CDH13: variants seen among roughly 807,000 people sequenced by gnomAD.
CDH13 encodes cadherin 13.
Under a neutral mutation model 63.8 loss-of-function variants are expected in CDH13, and 24 were observed. The observed-to-expected ratio is 0.38, with a 90% confidence interval of 0.27 to 0.53. The LOEUF is 0.53. Among genes scored for constraint, CDH13 ranks in the 20% least tolerant of loss-of-function variants. The pLI is 0.85. For synonymous variants in CDH13, 503 were observed against 355.3 expected, an observed-to-expected ratio of 1.42 and a Z score of -4.67; for missense variants, 1,049 against 903.1, an observed-to-expected ratio of 1.16 and a Z score of -2.07.
chr16:83,472,985 G>T (rs1330703496), intron 6 of CDH13, among the ~76,000 whole-genome samples: 1 of 152,112 alleles, frequency 6.6e-6, no homozygotes, highest in African/African-American at 2.4e-5. Flanking sequence ...CTGCCAAATG[G>T]AAATGACTCT....
chr16:83,653,233 G>A (rs760435357), intron 8 of CDH13, among the ~76,000 whole-genome samples: 11 of 152,076 alleles, frequency 7.2e-5, no homozygotes, highest in Non-Finnish European at 1.2e-4. Context: ...TTGTGGTGGT[G>A]GTTGCACAAC....
chr16:83,496,484 C>CCTTA (rs1235219537), intron 7 of CDH13, among the ~76,000 whole-genome samples: 1 of 151,498 alleles, frequency 6.6e-6, no homozygotes, highest in Non-Finnish European at 1.5e-5. Flanking sequence ...TGGATCCCTT[C>CCTTA]CTTACACCTT....
At chr16:82,924,993 C>T (rs930258514) in intron 2 of CDH13, among the ~76,000 whole-genome samples, 20 of 152,078 alleles carry the variant, frequency 1.3e-4, no homozygotes, top group East Asian at 1.9e-4. Flanking sequence ...GAACCGTATA[C>T]GAATAATACT....
chr16:83,536,993 T>C (rs938618248), intron 7 of CDH13, among the ~76,000 whole-genome samples: 6 of 152,196 alleles, frequency 3.9e-5, no homozygotes, highest in African/African-American at 1.4e-4. Flanking sequence ...CCTGGCTCAT[T>C]TGCTGAAAAA....
intron 1 of CDH13, among the ~76,000 whole-genome samples, chr16:82,812,515 C>A (rs1324350582): frequency 6.6e-6 from 1 of 151,854 alleles, no homozygotes; most frequent in Non-Finnish European, 1.5e-5. Context: ...GGAAGACAAG[C>A]AGAGAGGGTG....
intron 10 of CDH13, among the ~76,000 whole-genome samples, chr16:83,720,817 C>T (rs908641069): frequency 5.3e-5 from 8 of 152,154 alleles, no homozygotes; most frequent in African/African-American, 1.9e-4. Context: ...CCCCATGGGG[C>T]CTTGTGACTG....
chr16:82,747,790 AT>A (rs1257339728), intron 1 of CDH13, among the ~76,000 whole-genome samples: 3 of 152,206 alleles, frequency 2.0e-5, no homozygotes, highest in Non-Finnish European at 4.4e-5. Flanking sequence ...AACTCTTGGG[AT>A]TTAGGAATAG....
intron 3 of CDH13, among the ~76,000 whole-genome samples, chr16:83,055,233 C>A (rs144426169): frequency 8.4e-4 from 127 of 151,398 alleles, no homozygotes; most frequent in Admixed American, 1.7e-3. Context: ...CAGAGAACAC[C>A]AAATTTAACT....
intron 3 of CDH13, among the ~76,000 whole-genome samples, chr16:83,090,639 C>A (rs968604291): frequency 6.6e-6 from 1 of 151,788 alleles, no homozygotes; most frequent in South Asian, 2.1e-4. Context: ...CAGCAACATT[C>A]CTAGCCCAGG....
At position 82,697,784 on chromosome 16, in the gene CDH13, TG is replaced by T. The variant is rs1567638868; in HGVS notation, c.45+70648del. 3.6e-3 allele frequency among the ~76,000 whole-genome samples: 418 copies of T among 114,922 alleles called. 2 individuals carry two copies. Among genetic ancestry groups the T allele is most frequent in the African/African-American group, 0.014 (392 of 28,744 alleles). 75.4% of individuals were successfully genotyped at this position (114,922 alleles called of 152,430 possible). A position where few individuals can be genotyped will look rare whatever the true frequency, so the allele number is the denominator to read the frequency against. ...GTGTGTGTGTGTGTGTGTGTGTGTG[TG>T]TGTAAGTTTTTTCATGAATTCAAAA... On this transcript the variant is annotated intron_variant, in intron 1 of 13. Coordinates refer to ENST00000567109, the MANE Select transcript of CDH13 (RefSeq NM_001257.5).
chr16:83,171,167 G>T (rs1420239906), intron 4 of CDH13, among the ~76,000 whole-genome samples: 1 of 152,112 alleles, frequency 6.6e-6, no homozygotes, highest in Non-Finnish European at 1.5e-5. Flanking sequence ...TTATAGTCAT[G>T]GTGGAAGGCA....
chr16:82,740,368 A>G (rs939420565), intron 1 of CDH13, among the ~76,000 whole-genome samples: 2 of 152,228 alleles, frequency 1.3e-5, no homozygotes, highest in Non-Finnish European at 2.9e-5. Flanking sequence ...TTCAAATTGT[A>G]TTATCCCACT....
intron 2 of CDH13, among the ~76,000 whole-genome samples, chr16:82,883,031 C>G (rs1272242938): frequency 1.3e-5 from 2 of 152,078 alleles, no homozygotes; most frequent in South Asian, 2.1e-4. Flanking sequence ...TTTCAATTAT[C>G]TGGGTTTTAT....
At chr16:83,222,762 C>T (rs77118281) in intron 5 of CDH13, among the ~76,000 whole-genome samples, 2,631 of 152,222 alleles carry the variant, frequency 0.017, 25 homozygotes, top group Non-Finnish European at 0.027. Flanking sequence ...TTAAAGAGTA[C>T]AGGTAGCCAT....
chr16:82,665,759 G>T (rs980120240), intron 1 of CDH13, among the ~76,000 whole-genome samples: 16 of 151,872 alleles, frequency 1.1e-4, no homozygotes, highest in Non-Finnish European at 2.4e-4. Flanking sequence ...CCTGTAAATT[G>T]GACCTACTGA....
chr16:83,354,728 C>A (rs1289218818), intron 6 of CDH13, among the ~76,000 whole-genome samples: 1 of 152,138 alleles, frequency 6.6e-6, no homozygotes, highest in Non-Finnish European at 1.5e-5. Flanking sequence ...CAGGAATGAC[C>A]TGAGGGACGG....
chr16:82,798,053 G>T (rs762115126), intron 1 of CDH13, among the ~76,000 whole-genome samples: 8 of 152,192 alleles, frequency 5.3e-5, no homozygotes, highest in Non-Finnish European at 2.9e-5. Flanking sequence ...TTGCTCTGGG[G>T]TGAGAAAACT....
intron 10 of CDH13, among the ~76,000 whole-genome samples, chr16:83,709,502 A>G (rs1907680496): frequency 6.6e-6 from 1 of 152,238 alleles, no homozygotes; most frequent in African/African-American, 2.4e-5. Context: ...CGGCCTCTGC[A>G]CAGGAATTGC....
intron 6 of CDH13, among the ~76,000 whole-genome samples, chr16:83,352,516 C>G (rs778267026): frequency 2.0e-5 from 3 of 152,218 alleles, no homozygotes; most frequent in Non-Finnish European, 4.4e-5. Context: ...AACACCTGCA[C>G]TCATGGTTAT....
Sources: allele counts gnomAD v4.1 joint callset (sites outside exome capture counted in the v4.1 genomes callset), GRCh38; gene constraint gnomAD v4.1.1; transcripts MANE v1.5; gene names NCBI Gene and HGNC (gene_info 2026-07-23, HGNC 2026-07-21).